The following BAIAP2 variants were observed in gnomAD, a reference collection of about 807,000 sequenced individuals.
The protein encoded by BAIAP2 is BAR/IMD domain containing adaptor protein 2.
A neutral mutation model predicts 63.0 loss-of-function variants in BAIAP2; 18 were observed. That is an observed-to-expected ratio of 0.29 (90% CI 0.20 to 0.42). BAIAP2 has a LOEUF of 0.42. Among genes scored for constraint, BAIAP2 ranks in the 10% least tolerant of loss-of-function variants. The pLI, the probability that BAIAP2 is intolerant of heterozygous loss-of-function variation, is 1.00. For synonymous variants in BAIAP2, 386 were observed against 307.6 expected (o/e 1.25, Z -2.67); for missense variants, 610 against 734.3 (o/e 0.83, Z 1.96).
intron 1 of BAIAP2, among the ~76,000 whole-genome samples, chr17:81,038,784 T>G (rs1322128224): frequency 6.6e-6 from 1 of 152,206 alleles, no homozygotes; most frequent in East Asian, 1.9e-4. Flanking sequence ...ACATCCAGCT[T>G]CTTCCTGGGG....
chr17:81,093,938 C>G (rs761899989), intron 6 of BAIAP2, among the ~76,000 whole-genome samples: 37 of 151,452 alleles, frequency 2.4e-4, no homozygotes, highest in African/African-American at 4.6e-4. Context: ...ACCCCTCCCC[C>G]CCACCACCCC....
chr17:81,070,763 C>T (rs1295120529), intron 3 of BAIAP2, among the ~76,000 whole-genome samples: 2 of 152,212 alleles, frequency 1.3e-5, no homozygotes, highest in Non-Finnish European at 2.9e-5. Flanking sequence ...GGCCGCTGAC[C>T]CGGGAGCCCC....
chr17:81,045,368 G>T (rs188696693), intron 1 of BAIAP2, among the ~76,000 whole-genome samples: 62 of 152,304 alleles, frequency 4.1e-4, no homozygotes, highest in Non-Finnish European at 7.9e-4. Flanking sequence ...GGGCAGAAGC[G>T]CCTGGCTCAG....
Position 81,086,593 on chromosome 17 carries a change from C to T in BAIAP2, c.489+13C>T, listed in dbSNP as rs551077297. The T allele has an allele frequency of 3.7e-6, 6 of 1,612,056 alleles. No homozygotes were observed. Among genetic ancestry groups the T allele is most frequent in the South Asian group, 1.1e-5 (1 of 91,026 alleles). ...CAAGGAGCTGCAGGTAGGCCCGCCA[C>T]CCCCGCTGTGGTGCCTCTCCTGCCA... On this transcript the variant is annotated intron_variant, in intron 6 of 13. Coordinates refer to ENST00000428708, the MANE Select transcript of BAIAP2 (RefSeq NM_001144888.2).
intron 3 of BAIAP2, chr17:81,083,566 G>A (rs2055009924): frequency 6.6e-6 from 1 of 152,218 alleles, no homozygotes. Context: ...GGGTTAGCGG[G>A]AGGACAGCCC....
chr17:81,052,820 G>A (rs947849200), intron 1 of BAIAP2, among the ~76,000 whole-genome samples: 10 of 152,188 alleles, frequency 6.6e-5, no homozygotes, highest in African/African-American at 2.2e-4. Flanking sequence ...GCTTGTCTGC[G>A]ACAGGGCTGG....
intron 6 of BAIAP2, among the ~76,000 whole-genome samples, chr17:81,092,738 G>A (rs538035267): frequency 3.3e-5 from 5 of 152,286 alleles, no homozygotes; most frequent in South Asian, 2.1e-4. Flanking sequence ...CCCCAGGACC[G>A]TGGTCGTTGC....
intron 13 of BAIAP2, chr17:81,109,055 C>A: frequency 6.6e-7 from 1 of 1,518,506 alleles, no homozygotes; most frequent in South Asian, 1.2e-5. Context: ...TCCCCCTGGT[C>A]TCGTCCGTTT....
chr17:81,103,552 C>G lies in BAIAP2; in HGVS notation c.693C>G (p.Ala231=). Residue 231 remains alanine (A), a synonymous_variant, in exon 8 of 14, where the codon GCC becomes GCG. Coordinates refer to ENST00000428708, the MANE Select transcript of BAIAP2 (RefSeq NM_001144888.2). The part of the protein sequence containing the change: ...QKLPLWQQAC[A]DPSKIPERAV... ...TGCCGCTGTGGCAACAGGCCTGTGC[C>G]GACCCCAGCAAGATCCCGGAGCGCG... is the stretch of plus-strand genomic sequence containing the variant. 6.3e-7 allele frequency: 1 copy of G among 1,598,242 alleles called. No homozygotes were observed. The highest frequency in any genetic ancestry group is 8.5e-7 in the Non-Finnish European group (1 of 1,177,936).
chr17:81,112,888 CAAAA>C (rs796419504), intron 13 of BAIAP2, among the ~76,000 whole-genome samples: 2 of 146,460 alleles, frequency 1.4e-5, no homozygotes, highest in African/African-American at 5.0e-5. Flanking sequence ...CCCATCTTGA[CAAAA>C]AAAAAAGTTA....
At chr17:81,038,570 A>C (rs2046622293) in intron 1 of BAIAP2, among the ~76,000 whole-genome samples, 3 of 152,226 alleles carry the variant, frequency 2.0e-5, no homozygotes, top group Admixed American at 2.0e-4. Flanking sequence ...TGGGGAAGCC[A>C]GCCTGGCGGG....
rs949008766 is a variant in BAIAP2 at position 81,081,591 on chromosome 17, T to G, written c.218-3241T>G. Among the ~76,000 whole-genome samples the G allele has an allele frequency of 3.3e-5, 5 of 152,270 alleles. No homozygotes were observed. The East Asian group carries it at 9.7e-4, about 29-fold the overall frequency. On this transcript the variant is annotated intron_variant, in intron 3 of 13. Transcript: ENST00000428708. ...CCAAGTGGCTTCCCTTCAGCCAGGC[T>G]CCTTTATACCAAATTCTGTCCTCTT...
At chr17:81,090,583 G>T (rs1001774482) in intron 6 of BAIAP2, among the ~76,000 whole-genome samples, 2 of 152,246 alleles carry the variant, frequency 1.3e-5, no homozygotes, top group African/African-American at 2.4e-5. Context: ...AACATTTTGG[G>T]GTGGGAAACA....
intron 1 of BAIAP2, among the ~76,000 whole-genome samples, chr17:81,040,203 C>A (rs1010159339): frequency 1.3e-5 from 2 of 152,240 alleles, no homozygotes; most frequent in Non-Finnish European, 2.9e-5. Context: ...GCCTTCCCAG[C>A]CACCTTGTCT....
Position 81,115,801 on chromosome 17 carries a change from A to C in BAIAP2, c.1567A>C (p.Thr523Pro), listed in dbSNP as rs1568208253. The change falls in exon 14 of 14, where the codon ACA becomes CCA. Residue 523 changes from threonine (T) to proline (P), a missense_variant. Coordinates refer to ENST00000428708, the MANE Select transcript of BAIAP2 (RefSeq NM_001144888.2). Reference sequence around the variant, plus strand: ...CTTTGCCCACGTCCAGCTGAAGCCGACAGTGACCAACGACAGGTCTGCCCC... The same window carrying C: ...CTTTGCCCACGTCCAGCTGAAGCCGCCAGTGACCAACGACAGGTCTGCCCC... ...NPFAHVQLKP[T>P]VTNDRSAPLL... is the part of the protein sequence containing the mutation. The C allele has an allele frequency of 6.2e-7, 1 of 1,613,534 alleles. No homozygotes were observed.
chr17:81,101,170 C>T (rs908777628), intron 7 of BAIAP2, among the ~76,000 whole-genome samples: 215 of 152,160 alleles, frequency 1.4e-3, no homozygotes, highest in Non-Finnish European at 4.9e-4. Flanking sequence ...CCGGCATCCC[C>T]AGCCTTGTCG....
intron 4 of BAIAP2, 57 bp from the exon 5 acceptor site, chr17:81,085,597 C>A: frequency 6.8e-7 from 1 of 1,465,836 alleles, no homozygotes; most frequent in Non-Finnish European, 9.6e-7. Flanking sequence ...GCCCTGCCTC[C>A]TGTTCCGGGT....
intron 7 of BAIAP2, among the ~76,000 whole-genome samples, chr17:81,100,811 C>T (rs1448009394): frequency 1.3e-5 from 2 of 152,138 alleles, no homozygotes; most frequent in African/African-American, 4.8e-5. Context: ...CCAGAGTGGC[C>T]TCCCTGGGAC....
intron 3 of BAIAP2, among the ~76,000 whole-genome samples, chr17:81,066,402 G>A (rs1412614858): frequency 1.3e-5 from 2 of 152,218 alleles, no homozygotes; most frequent in Non-Finnish European, 2.9e-5. Context: ...CTGAATTAAG[G>A]TGTGGCCTGG....
Sources: allele counts gnomAD v4.1 joint callset (sites outside exome capture counted in the v4.1 genomes callset), GRCh38; gene constraint gnomAD v4.1.1; transcripts MANE v1.5; gene names NCBI Gene and HGNC (gene_info 2026-07-23, HGNC 2026-07-21).